The following PLXDC2 variants were observed in gnomAD, a reference collection of about 807,000 sequenced individuals.
The protein encoded by PLXDC2 is plexin domain containing 2, also known as plexin domain-containing protein 2.
In PLXDC2, 40 loss-of-function variants were observed where a neutral mutation model predicts 68.9. The observed-to-expected ratio is 0.58, with a 90% CI of 0.45 to 0.76. The LOEUF is 0.76. Among genes scored for constraint, PLXDC2 ranks in the 30% least tolerant of loss-of-function variants. The probability of loss-of-function intolerance (pLI) is 0.00; values close to 1 mark genes in which losing one functional copy is unlikely to be tolerated. For missense variants in PLXDC2, 644 were observed against 661.9 expected (o/e 0.97, Z 0.30); for synonymous variants, 243 against 234.2 (o/e 1.04, Z -0.34).
intron 1 of PLXDC2, among the ~76,000 whole-genome samples, chr10:19,887,549 C>CA (rs917416373): frequency 2.0e-4 from 30 of 151,328 alleles, no homozygotes; most frequent in Non-Finnish European, 3.5e-4. Context: ...AAACAAAAAA[C>CA]AAAAAAAACC....
At chr10:20,252,486 T>C (rs901725369) in intron 13 of PLXDC2, among the ~76,000 whole-genome samples, 1 of 152,214 alleles carries the variant, frequency 6.6e-6, no homozygotes, top group Non-Finnish European at 1.5e-5. Context: ...ATATTTCTAT[T>C]GGATGATGCT....
intron 4 of PLXDC2, among the ~76,000 whole-genome samples, chr10:20,092,295 A>C (rs1833290390): frequency 6.6e-6 from 1 of 152,166 alleles, no homozygotes; most frequent in Admixed American, 6.6e-5. Flanking sequence ...CCGGTGATCC[A>C]TTTTTCAAAG....
At position 20,044,135 on chromosome 10, in the gene PLXDC2, C is replaced by CCTCCCTCCCTCT. The variant is rs1420390475; in HGVS notation, c.325-2731_325-2730insCCTCCCTCTCTC. 5.4e-3 allele frequency among the ~76,000 whole-genome samples: 762 copies of CCTCCCTCCCTCT among 141,342 alleles called. 37 individuals are homozygous for CCTCCCTCCCTCT. Among genetic ancestry groups the CCTCCCTCCCTCT allele is most frequent in the African/African-American group, 0.019 (720 of 37,126 alleles). 92.7% of individuals were successfully genotyped at this position (141,342 alleles called of 152,430 possible). A position where few individuals can be genotyped will look rare whatever the true frequency, so the allele number is the denominator to read the frequency against. ...TCCTTCCTTCCTTCCTCCCTCCCTC[C>CCTCCCTCCCTCT]CTCTCTCTCTTTTTCCTTCCTTCCT... is the stretch of plus-strand genomic sequence containing the variant. On this transcript the variant is annotated intron_variant, in intron 2 of 13. Coordinates refer to ENST00000377252, the MANE Select transcript of PLXDC2 (RefSeq NM_032812.9).
At chr10:19,915,355 T>C (rs1037227449) in intron 1 of PLXDC2, among the ~76,000 whole-genome samples, 1 of 152,182 alleles carries the variant, frequency 6.6e-6, no homozygotes, top group East Asian at 1.9e-4. Context: ...TCTACTAATA[T>C]CAATATTTTG....
rs543283343 is a variant in PLXDC2, at chr10:20,169,090, A to G, written c.883+4523A>G. Among the ~76,000 whole-genome samples the G allele has an allele frequency of 9.9e-5, 15 of 152,270 alleles. No homozygotes were observed. In the East Asian group the frequency reaches 2.9e-3, roughly 29 times the overall value. On this transcript the variant is annotated intron_variant, in intron 7 of 13. Coordinates refer to ENST00000377252, the MANE Select transcript of PLXDC2 (RefSeq NM_032812.9). ...TTCATAATTTATGTAACCTGTCACT[A>G]AAGAGGTTGGTTACATAGTTTGCAT...
chr10:19,952,739 G>A (rs1834010073), intron 1 of PLXDC2, among the ~76,000 whole-genome samples: 1 of 152,168 alleles, frequency 6.6e-6, no homozygotes, highest in Non-Finnish European at 1.5e-5. Flanking sequence ...AATACGTTGA[G>A]CTGTAAGTGA....
intron 2 of PLXDC2, among the ~76,000 whole-genome samples, chr10:20,007,713 G>C (rs1835049410): frequency 6.6e-6 from 1 of 152,214 alleles, no homozygotes; most frequent in Admixed American, 6.5e-5. Flanking sequence ...CTTAGTTCTA[G>C]GCTTGAGCCG....
At chr10:20,015,238 G>T (rs1835190840) in intron 2 of PLXDC2, among the ~76,000 whole-genome samples, 1 of 152,130 alleles carries the variant, frequency 6.6e-6, no homozygotes, top group Non-Finnish European at 1.5e-5. Flanking sequence ...CAAGAACTTG[G>T]CATTGCCAGC....
chr10:19,849,310 GCT>G (rs540019119), intron 1 of PLXDC2, among the ~76,000 whole-genome samples: 3 of 92,612 alleles, frequency 3.2e-5, no homozygotes, highest in African/African-American at 9.4e-5. Flanking sequence ...ATTCTGTCTC[GCT>G]CTCTCTCTCA....
intron 1 of PLXDC2, among the ~76,000 whole-genome samples, chr10:19,924,411 T>C (rs944756265): frequency 2.0e-5 from 3 of 152,216 alleles, no homozygotes; most frequent in Admixed American, 6.5e-5. Context: ...CCGTGTGTTA[T>C]GTATATAATT....
chr10:20,190,855 T>A (rs1434111620), intron 9 of PLXDC2, among the ~76,000 whole-genome samples: 2 of 151,954 alleles, frequency 1.3e-5, no homozygotes, highest in African/African-American at 4.8e-5. Context: ...GTTTTTGATG[T>A]TTCGCTTCCA....
rs145893155 is a variant in PLXDC2, at chr10:19,863,402, T to A, written c.112+46211T>A. 7.9e-5 allele frequency among the ~76,000 whole-genome samples: 12 copies of A among 152,304 alleles called. No individual in the cohort carries two copies. In the East Asian group the frequency reaches 1.2e-3, roughly 15 times the overall value. On this transcript the variant is annotated intron_variant, in intron 1 of 13. Coordinates refer to ENST00000377252, the MANE Select transcript of PLXDC2 (RefSeq NM_032812.9). ...GTACGTTGCACAGAGCATTTTGCAT[T>A]TGACTCTTATAAACTGATAGCTGGG... is the stretch of plus-strand genomic sequence containing the variant.
At chr10:19,835,313 G>T (rs1218348198) in intron 1 of PLXDC2, among the ~76,000 whole-genome samples, 1 of 152,152 alleles carries the variant, frequency 6.6e-6, no homozygotes. Context: ...GGAAGGGCAG[G>T]TCTAGAGATA....
intron 9 of PLXDC2, among the ~76,000 whole-genome samples, chr10:20,207,359 T>C (rs1019172634): frequency 4.6e-5 from 7 of 152,230 alleles, no homozygotes; most frequent in African/African-American, 1.7e-4. Context: ...TTTAAAGGAC[T>C]AATTATTCCA....
chr10:20,102,546 G>T (rs1408370793), intron 4 of PLXDC2, among the ~76,000 whole-genome samples: 3 of 152,154 alleles, frequency 2.0e-5, no homozygotes, highest in Admixed American at 6.5e-5. Flanking sequence ...ATGTTTTGAA[G>T]GGATTGGTAA....
In PLXDC2 at chr10:20,217,468, T is replaced by C. The variant is rs1443070882; in HGVS notation, c.1165T>C (p.Ser389Pro). 6.2e-7 allele frequency: 1 copy of C among 1,612,824 alleles called. No homozygotes were observed. The change falls in exon 11 of 14, where the codon TCT (serine) becomes CCT (proline). Residue 389 changes from serine (S) to proline (P), a missense_variant. By Grantham distance (74) the Ser-to-Pro change is moderately conservative. Coordinates refer to ENST00000377252, the MANE Select transcript of PLXDC2 (RefSeq NM_032812.9). ...MCENTEPVET[S>P]SRTTTTVGAT... ...TGAGAATACAGAACCAGTGGAAACT[T>C]CTTCTCGAACCACCACAACCGTAGG...
intron 1 of PLXDC2, among the ~76,000 whole-genome samples, chr10:19,978,243 T>A (rs1266725054): frequency 6.6e-6 from 1 of 152,232 alleles, no homozygotes; most frequent in African/African-American, 2.4e-5. Flanking sequence ...CAGCTTACAG[T>A]CTTTAACCTG....
At chr10:20,186,447 AT>A (rs1282095704) in intron 9 of PLXDC2, among the ~76,000 whole-genome samples, 2 of 151,868 alleles carry the variant, frequency 1.3e-5, no homozygotes, top group Non-Finnish European at 2.9e-5. Context: ...AGAAGTACAC[AT>A]GCAGGCTTGT....
intron 4 of PLXDC2, among the ~76,000 whole-genome samples, chr10:20,069,010 T>C (rs1023377840): frequency 6.6e-6 from 1 of 151,976 alleles, no homozygotes; most frequent in Non-Finnish European, 1.5e-5. Context: ...AATGGAACAG[T>C]AAGTAAAGAA....
Sources: gnomAD v4.1 joint callset for allele counts (sites outside exome capture counted in the v4.1 genomes callset) on GRCh38, gnomAD v4.1.1 for gene constraint, MANE v1.5 for transcripts, NCBI Gene and HGNC (gene_info 2026-07-23, HGNC 2026-07-21) for gene names.